The following ENG variants were observed in gnomAD, a reference collection of about 807,000 sequenced individuals.
ENG encodes endoglin, also known as CD105 antigen.
ENG carries 17 observed loss-of-function variants against 71.0 expected under a neutral mutation model. That is an observed-to-expected ratio of 0.24 (90% confidence interval 0.16 to 0.36). The LOEUF is 0.36. Among genes scored for constraint, ENG ranks in the 10% least tolerant of loss-of-function variants. ENG has a pLI of 1.00. For missense variants in ENG, 749 were observed against 868.3 expected, an observed-to-expected ratio of 0.86 and a Z score of 1.73; for synonymous variants, 360 against 366.9, an observed-to-expected ratio of 0.98 and a Z score of 0.21.
rs962867784 is a variant in ENG, at chr9:127,815,479, G to A, written c.*203C>T. 2.0e-6 allele frequency: 2 copies of A among 1,019,264 alleles called. No individual in the cohort carries two copies. The highest frequency in any genetic ancestry group is 1.8e-5 in the South Asian group (1 of 57,070). The allele number at this position is 1,019,264 out of a possible 1,614,324, so 63.1% of individuals were successfully genotyped here. ...CCAGACCCACTGGGTTGAAGGTTCT[G>A]TGGGGTGGAGGGACCCCAAGGTGTT... On this transcript the variant is annotated 3_prime_UTR_variant, in exon 15 of 15. Transcript: ENST00000373203.
chr9:127,837,610 C>T (rs1830929466), intron 2 of ENG, among the ~76,000 whole-genome samples: 1 of 152,202 alleles, frequency 6.6e-6, no homozygotes, highest in African/African-American at 2.4e-5. Context: ...AGAGAACAAA[C>T]CAACACCTCC....
chr9:127,833,338 G>A (rs1015387536), intron 2 of ENG, among the ~76,000 whole-genome samples: 2 of 151,866 alleles, frequency 1.3e-5, no homozygotes, highest in Non-Finnish European at 2.9e-5. Context: ...CCTGACCAAC[G>A]TGGAGAAACC....
intron 2 of ENG, among the ~76,000 whole-genome samples, chr9:127,837,529 C>G (rs1243177211): frequency 6.6e-6 from 1 of 152,170 alleles, no homozygotes; most frequent in African/African-American, 2.4e-5. Flanking sequence ...GAGGCTGGCA[C>G]TGGGCCCAGC....
chr9:127,824,776 G>GAGGGGC (rs1830561766), intron 7 of ENG, 24 bp downstream of exon 7: 3 of 1,524,542 alleles, frequency 2.0e-6, no homozygotes, highest in East Asian at 2.3e-5. Flanking sequence ...GAAGGGAAGG[G>GAGGGGC]AGGGGCAGGG....
chr9:127,837,796 ATC>A lies in ENG; in HGVS notation c.219+5296_219+5297del, dbSNP rs371901729. On this transcript the variant is annotated intron_variant, in intron 2 of 14. Coordinates refer to ENST00000373203, the MANE Select transcript of ENG (RefSeq NM_001114753.3). ...AATGCATCCATCCATCCATCCATCC[ATC>A]CATCCATCCATCCATCCAACAGATA... Among the ~76,000 whole-genome samples the A allele has an allele frequency of 3.4e-5, 4 of 118,398 alleles. 1 individual carries two copies. Among genetic ancestry groups the A allele is most frequent in the African/African-American group, 1.7e-4 (4 of 23,132 alleles). 77.7% of individuals were successfully genotyped at this position (118,398 alleles called of 152,430 possible).
rs563747298 is a variant in ENG, at chr9:127,836,880, T to C, written c.219+6214A>G. The stretch of plus-strand genomic sequence containing the variant: ...TCGGCTCACTGCAATCTCCGCCTCC[T>C]GGGTTCAAGTAATTCTGCTGGTTCA... On this transcript the variant is annotated intron_variant, in intron 2 of 14. Coordinates refer to ENST00000373203, the MANE Select transcript of ENG (RefSeq NM_001114753.3). This position sits in a 1 kb window ranked among gnomAD's most constrained non-coding sequence, Gnocchi z 4.0. Among the ~76,000 whole-genome samples, 10 of 152,138 alleles carry C rather than the reference T, an allele frequency of 6.6e-5. No homozygotes were observed. In the East Asian group the frequency reaches 1.9e-3, roughly 29 times the overall value.
intron 1 of ENG, among the ~76,000 whole-genome samples, chr9:127,851,459 A>G (rs1277228143): frequency 6.6e-6 from 1 of 151,976 alleles, no homozygotes; most frequent in East Asian, 1.9e-4. Context: ...ACCTCAGGTG[A>G]TCCACCCGCC....
At chr9:127,834,255 A>AT (rs1234684343) in intron 2 of ENG, among the ~76,000 whole-genome samples, 1 of 137,986 alleles carries the variant, frequency 7.2e-6, no homozygotes, top group East Asian at 2.2e-4. Flanking sequence ...GTATATATAT[A>AT]TTTTTGAGAT....
rs1830947480 is a variant in ENG at position 127,838,115 on chromosome 9, G to A, written c.219+4979C>T. 6.6e-6 allele frequency among the ~76,000 whole-genome samples: 1 copy of A among 152,162 alleles called. No homozygotes were observed. Among genetic ancestry groups the A allele is most frequent in the Non-Finnish European group, 1.5e-5 (1 of 68,032 alleles). ...TCCACCATGCCTGCCTCCCCAAGTA[G>A]CCAACTCAACCATCCTTCAGGTCTG... On this transcript the variant is annotated intron_variant, in intron 2 of 14. Transcript: ENST00000373203. This position sits in a 1 kb window ranked among gnomAD's most constrained non-coding sequence, Gnocchi z 4.3.
Position 127,836,631 on chromosome 9 carries a change from TCAG to T in ENG, c.219+6460_219+6462del, listed in dbSNP as rs1830909294. ...GACCAACCTGAATTCAGATGGGGGC[TCAG>T]TCATTAGCCTGTGACCTTGGACAGT... On this transcript the variant is annotated intron_variant, in intron 2 of 14. Coordinates refer to ENST00000373203, the MANE Select transcript of ENG (RefSeq NM_001114753.3). This position sits in a 1 kb window ranked among gnomAD's most constrained non-coding sequence, Gnocchi z 4.0. Among the ~76,000 whole-genome samples, 1 of 152,230 alleles carries T rather than the reference TCAG, an allele frequency of 6.6e-6. No individual in the cohort carries two copies. The highest frequency in any genetic ancestry group is 1.5e-5 in the Non-Finnish European group (1 of 68,044).
intron 2 of ENG, among the ~76,000 whole-genome samples, chr9:127,833,372 T>C (rs1463253518): frequency 6.6e-6 from 1 of 151,820 alleles, no homozygotes; most frequent in Non-Finnish European, 1.5e-5. Flanking sequence ...AAATACTAAA[T>C]TAGCCAGGTG....
chr9:127,824,790 G>T lies in ENG; in HGVS notation c.991+10C>A. 1 of 1,543,174 alleles carries T rather than the reference G, an allele frequency of 6.5e-7. No individual in the cohort carries two copies. ...GGAAGGGAAGGGAGGGGCAGGGGAAGGGTGCTCACCGCAGCTGGAGGCATG... is the reference window on the plus strand; with the variant it reads ...GGAAGGGAAGGGAGGGGCAGGGGAATGGTGCTCACCGCAGCTGGAGGCATG... On this transcript the variant is annotated intron_variant, in intron 7 of 14. Transcript: ENST00000373203.
rs774964688 is a variant in ENG, at chr9:127,825,217, T to C, written c.816+14A>G. 2.1e-5 allele frequency: 34 copies of C among 1,612,688 alleles called. No homozygotes were observed. The highest frequency in any genetic ancestry group is 2.7e-5 in the Non-Finnish European group (32 of 1,179,770). On this transcript the variant is annotated intron_variant, in intron 6 of 14. Transcript: ENST00000373203. ...AGTTTGGGTTTTGTGTCCCGGGAGC[T>C]GCGCACAACTCACCCAGATCTGCAT...
intron 2 of ENG, among the ~76,000 whole-genome samples, chr9:127,837,774 G>GCATCCATCCATC (rs5900769): frequency 0.01 from 1,133 of 112,960 alleles, 7 homozygotes; most frequent in Non-Finnish European, 0.013. Context: ...ATGCATGAAT[G>GCATCCATCCATC]CATCCATCCA....
At chr9:127,853,454 G>A (rs1377282653) in intron 1 of ENG, among the ~76,000 whole-genome samples, 3 of 152,128 alleles carry the variant, frequency 2.0e-5, no homozygotes, top group Admixed American at 6.5e-5. Context: ...TGGGGCTGGG[G>A]GTCCCTTGCT....
chr9:127,816,095 G>A (rs1053103287), intron 13 of ENG, 42 bp from the exon 14 acceptor site: 1 of 1,593,348 alleles, frequency 6.3e-7, no homozygotes, highest in Non-Finnish European at 8.5e-7. Context: ...CTCTGCCCCT[G>A]CCCCATCCCC....
At chr9:127,816,966 T>A in intron 13 of ENG, 183 bp downstream of exon 13, 1 of 716,832 alleles carries the variant, frequency 1.4e-6, no homozygotes, top group Non-Finnish European at 2.4e-6. Context: ...AAAGTGCAGC[T>A]CTGGCCCCTG....
intron 2 of ENG, among the ~76,000 whole-genome samples, chr9:127,833,443 C>A (rs1462643311): frequency 6.7e-6 from 1 of 148,608 alleles, no homozygotes; most frequent in Non-Finnish European, 1.5e-5. Context: ...ATCGCTTGAA[C>A]CCCAGGAGGC....
intron 5 of ENG, among the ~76,000 whole-genome samples, 165 bp downstream of exon 5, chr9:127,825,530 G>A (rs1011180761): frequency 7.3e-5 from 11 of 150,934 alleles, no homozygotes; most frequent in South Asian, 2.1e-4. Flanking sequence ...CATAGGGGGC[G>A]TAGCCTAGAG....
Sources: gnomAD v4.1 joint callset for allele counts (sites outside exome capture counted in the v4.1 genomes callset) on GRCh38, gnomAD v4.1.1 for gene constraint, Gnocchi (gnomAD v3.1) non-coding constraint, MANE v1.5 for transcripts, NCBI Gene and HGNC (gene_info 2026-07-23, HGNC 2026-07-21) for gene names.